Variants in CDCA7 observed in about 807,000 individuals in gnomAD.
CDCA7 encodes cell division cycle associated 7.
In CDCA7, 28 loss-of-function variants were observed where a neutral mutation model predicts 54.0. The observed-to-expected ratio is 0.52, with a 90% CI of 0.38 to 0.71. CDCA7 has a LOEUF of 0.71. CDCA7 is among the 30% of genes least tolerant of loss of function. The pLI, the probability that CDCA7 is intolerant of heterozygous loss-of-function variation, is 0.00. For missense variants in CDCA7, 484 were observed against 586.0 expected (o/e 0.83, Z 1.80); for synonymous variants, 180 against 208.2 (o/e 0.86, Z 1.16).
chr2:173,358,881 C>G, intron 2 of CDCA7, 44 bp downstream of exon 2: 1 of 1,584,480 alleles, frequency 6.3e-7, no homozygotes, highest in South Asian at 1.2e-5. Context: ...CTGCAGTGCT[C>G]AAAATGCCCC....
intron 1 of CDCA7, among the ~76,000 whole-genome samples, chr2:173,357,209 A>G (rs901552079): frequency 7.2e-5 from 11 of 152,236 alleles, no homozygotes; most frequent in African/African-American, 2.2e-4. Flanking sequence ...CTTTTTTTAT[A>G]CAAGATAGAT....
chr2:173,356,778 T>A (rs1686515238), intron 1 of CDCA7, among the ~76,000 whole-genome samples: 1 of 152,212 alleles, frequency 6.6e-6, no homozygotes, highest in Admixed American at 6.5e-5. Context: ...GCGCTGAGAT[T>A]ACAGGTGTGA....
intron 3 of CDCA7, among the ~76,000 whole-genome samples, 200 bp from the exon 4 acceptor site, chr2:173,363,026 G>A (rs1376904066): frequency 1.3e-5 from 2 of 152,208 alleles, no homozygotes; most frequent in East Asian, 3.8e-4. Context: ...GCTTATAACA[G>A]TGTGGTCCAG....
At chr2:173,364,424 GAGGGAAGCCATACAGAT>G in intron 5 of CDCA7, 1 of 167,602 alleles carries the variant, frequency 6.0e-6, no homozygotes, top group East Asian at 1.8e-4. Context: ...AAGATGGAAA[GAGGGAAGCCATACAGAT>G]ATCCCTCTAT....
In CDCA7 at chr2:173,367,720, T is replaced by G. The variant is rs537494366; in HGVS notation, c.*56T>G. 76 of 1,580,086 alleles carry G rather than the reference T, an allele frequency of 4.8e-5. No individual in the cohort carries two copies. The highest frequency in any genetic ancestry group is 6.5e-5 in the Non-Finnish European group (75 of 1,150,888). On this transcript the variant is annotated 3_prime_UTR_variant, in exon 10 of 10. Transcript: ENST00000306721. ...TTCTCAAATCTTTCTTGTAAAAGTTTCCAATTTTTTCACTGAAACCTGAGT... is the reference window on the plus strand; with the variant it reads ...TTCTCAAATCTTTCTTGTAAAAGTTGCCAATTTTTTCACTGAAACCTGAGT...
At chr2:173,363,657 G>T (rs1250873513) in intron 4 of CDCA7, among the ~76,000 whole-genome samples, 161 bp from the exon 5 acceptor site, 1 of 152,062 alleles carries the variant, frequency 6.6e-6, no homozygotes, top group Non-Finnish European at 1.5e-5. Flanking sequence ...TCTGTTAAAG[G>T]CCTGGTTAAG....
intron 1 of CDCA7, among the ~76,000 whole-genome samples, chr2:173,356,923 A>C (rs879476682): frequency 6.6e-6 from 1 of 152,214 alleles, no homozygotes; most frequent in Non-Finnish European, 1.5e-5. Flanking sequence ...GGGTATAGGG[A>C]TGTTGGGAGT....
Position 173,359,480 on chromosome 2 carries a change from C to T in CDCA7, c.373C>T (p.Gln125Ter), listed in dbSNP as rs1245763766. The change falls in exon 3 of 10, where the codon CAA (glutamine) becomes TAA (stop). Residue 125 changes from glutamine to a stop codon, truncating the protein, a stop_gained. Transcript: ENST00000306721. LOFTEE classifies it high-confidence loss of function. ...TTGCGGTTTCTCAGAGAGTGAGATA[C>T]AAGATGGAATGGTGAGTTCGAGAAT... is the stretch of plus-strand genomic sequence containing the variant. ...SFCGFSESEI[Q>*]DGMRLQSVRE... is the part of the protein sequence containing the mutation. 6.2e-7 allele frequency: 1 copy of T among 1,613,398 alleles called. No individual in the cohort carries two copies. Among genetic ancestry groups the T allele is most frequent in the Non-Finnish European group, 8.5e-7 (1 of 1,179,510 alleles).
chr2:173,359,917 C>A (rs144903663), intron 3 of CDCA7, among the ~76,000 whole-genome samples: 2 of 152,198 alleles, frequency 1.3e-5, no homozygotes, highest in African/African-American at 4.8e-5. Flanking sequence ...TGATAACTTA[C>A]GTGCAGGAGC....
intron 1 of CDCA7, among the ~76,000 whole-genome samples, chr2:173,357,953 C>A (rs556625251): frequency 2.7e-5 from 4 of 150,376 alleles, no homozygotes; most frequent in African/African-American, 9.8e-5. Flanking sequence ...GTAATCCCAG[C>A]ACTTTGGGAG....
chr2:173,359,973 T>A (rs1190700181), intron 3 of CDCA7, among the ~76,000 whole-genome samples: 1 of 152,214 alleles, frequency 6.6e-6, no homozygotes, highest in Non-Finnish European at 1.5e-5. Context: ...CTGCTACTTT[T>A]GCTCCTTGGT....
intron 9 of CDCA7, 66 bp downstream of exon 9, chr2:173,367,352 A>G: frequency 6.2e-7 from 1 of 1,601,788 alleles, no homozygotes; most frequent in Non-Finnish European, 8.5e-7. Context: ...TAATGAGAAG[A>G]TGATAGATGT....
intron 5 of CDCA7, 47 bp downstream of exon 5, chr2:173,363,942 T>C: frequency 6.6e-7 from 1 of 1,508,790 alleles, no homozygotes. Flanking sequence ...TGGGCACACC[T>C]AAGGTCGATC....
At chr2:173,356,607 C>T (rs541270877) in intron 1 of CDCA7, among the ~76,000 whole-genome samples, 9 of 152,326 alleles carry the variant, frequency 5.9e-5, no homozygotes, top group Non-Finnish European at 1.0e-4. Flanking sequence ...CGGGCTCAAG[C>T]AGTCTTCCCA....
intron 3 of CDCA7, among the ~76,000 whole-genome samples, chr2:173,362,534 C>G (rs1686640362): frequency 6.7e-6 from 1 of 150,358 alleles, no homozygotes; most frequent in Non-Finnish European, 1.5e-5. Context: ...TTAATATTGC[C>G]ATAAACATTG....
chr2:173,355,410 C>A (rs945838468), intron 1 of CDCA7, among the ~76,000 whole-genome samples: 8 of 152,208 alleles, frequency 5.3e-5, no homozygotes, highest in African/African-American at 1.9e-4. Flanking sequence ...GCGTGGCTCG[C>A]CGCGTCTATA....
intron 1 of CDCA7, among the ~76,000 whole-genome samples, chr2:173,357,157 T>C (rs1023939846): frequency 2.0e-5 from 3 of 152,216 alleles, no homozygotes; most frequent in African/African-American, 7.2e-5. Context: ...ATGCAACACT[T>C]AGGAAATCTC....
Position 173,363,278 on chromosome 2 carries a change from C to T in CDCA7, c.437C>T (p.Ser146Phe). 6.2e-7 allele frequency: 1 copy of T among 1,614,156 alleles called. No individual in the cohort carries two copies. Among genetic ancestry groups the T allele is most frequent in the South Asian group, 1.1e-5 (1 of 91,080 alleles). ...GCRTRSQCRH[S>F]GPLRVAMKFP... ...AGGACCCGCAGCCAGTGCAGGCACT[C>T]TGGACCTCTCAGGGTGGCGATGAAG... Residue 146 changes from serine (S) to phenylalanine (F), a missense_variant, in exon 4 of 10, where the codon TCT (serine) becomes TTT (phenylalanine). Coordinates refer to ENST00000306721, the MANE Select transcript of CDCA7 (RefSeq NM_031942.5).
At chr2:173,362,766 CG>C (rs1460473712) in intron 3 of CDCA7, among the ~76,000 whole-genome samples, 1 of 151,046 alleles carries the variant, frequency 6.6e-6, no homozygotes, top group Non-Finnish European at 1.5e-5. Context: ...TTTGCAGAGA[CG>C]GGGTTTCACC....
Sources: allele counts gnomAD v4.1 joint callset (sites outside exome capture counted in the v4.1 genomes callset), GRCh38; gene constraint gnomAD v4.1.1; transcripts MANE v1.5; gene names NCBI Gene and HGNC (gene_info 2026-07-23, HGNC 2026-07-21).